ARHGAP29: variants seen among roughly 807,000 people sequenced by gnomAD.
ARHGAP29 encodes the protein rho GTPase-activating protein 29.
Under a neutral mutation model 122.6 loss-of-function variants are expected in ARHGAP29, and 43 were observed. The ratio of observed to expected loss-of-function variants is 0.35; its 90% confidence interval spans 0.27 to 0.45. ARHGAP29 has a LOEUF of 0.45. Ranked by LOEUF, ARHGAP29 falls within the 20% of genes least tolerant of loss-of-function variation. The pLI, the probability that ARHGAP29 is intolerant of heterozygous loss-of-function variation, is 1.00. For missense variants in ARHGAP29, 1,303 were observed against 1,477.2 expected (o/e 0.88, Z 1.93); for synonymous variants, 506 against 497.1 (o/e 1.02, Z -0.24).
chr1:94,179,491 G>A (rs1306187232), intron 20 of ARHGAP29, among the ~76,000 whole-genome samples: 1 of 150,288 alleles, frequency 6.7e-6, no homozygotes, highest in Non-Finnish European at 1.5e-5. Flanking sequence ...CTACTTGGGA[G>A]GCTGAGGCAG....
At chr1:94,205,266 C>A in intron 6 of ARHGAP29, 68 bp from the exon 7 acceptor site, 1 of 1,247,982 alleles carries the variant, frequency 8.0e-7, no homozygotes. Flanking sequence ...AACAAAGAAG[C>A]ACTGAGATCC....
intron 7 of ARHGAP29, 56 bp downstream of exon 7, chr1:94,205,005 G>A: frequency 7.0e-7 from 1 of 1,437,188 alleles, no homozygotes; most frequent in South Asian, 1.6e-5. Flanking sequence ...TAAAAAATGA[G>A]TTAGAAACAA....
intron 1 of ARHGAP29, among the ~76,000 whole-genome samples, chr1:94,263,138 T>C (rs1570620998): frequency 2.6e-5 from 4 of 152,038 alleles, no homozygotes; most frequent in Admixed American, 2.6e-4. Flanking sequence ...CAAAGTAACA[T>C]AGGAACAGAA....
chr1:94,250,625 T>C (rs947015134), intron 1 of ARHGAP29: 1 of 152,148 alleles, frequency 6.6e-6, no homozygotes, highest in African/African-American at 2.4e-5. Flanking sequence ...ATGGGTGTAA[T>C]TGAGAAACAA....
At chr1:94,183,663 C>T (rs778682595) in intron 19 of ARHGAP29, among the ~76,000 whole-genome samples, 3 of 152,164 alleles carry the variant, frequency 2.0e-5, no homozygotes, top group East Asian at 1.9e-4. Flanking sequence ...AAAATATCAA[C>T]GAAGGCAAAG....
intron 5 of ARHGAP29, among the ~76,000 whole-genome samples, chr1:94,208,167 T>C (rs1367331623): frequency 1.3e-5 from 2 of 152,162 alleles, no homozygotes; most frequent in African/African-American, 4.8e-5. Context: ...GTCTCAATCA[T>C]GTTAACCAGG....
chr1:94,228,144 A>C (rs1652724460), intron 2 of ARHGAP29, among the ~76,000 whole-genome samples: 1 of 151,788 alleles, frequency 6.6e-6, no homozygotes, highest in African/African-American at 2.4e-5. Flanking sequence ...ATTAGAGATA[A>C]ACCGTATATG....
Position 94,208,756 on chromosome 1 carries a change from G to A in ARHGAP29, c.510+76C>T, listed in dbSNP as rs1441622029. The A allele has an allele frequency of 2.2e-5, 31 of 1,417,496 alleles. 2 individuals carry two copies. The highest frequency in any genetic ancestry group is 3.6e-4 in the Middle Eastern group (2 of 5,600). The allele number at this position is 1,417,496 out of a possible 1,614,324, so 87.8% of individuals were successfully genotyped here. ...ATTACAGGTATGAGCCACCACCCCCGGCCTAAGATTAGGCAATAGTTGAAA... is the reference window on the plus strand; with the variant it reads ...ATTACAGGTATGAGCCACCACCCCCAGCCTAAGATTAGGCAATAGTTGAAA... On this transcript the variant is annotated intron_variant, in intron 5 of 22. Coordinates refer to ENST00000260526, the MANE Select transcript of ARHGAP29 (RefSeq NM_004815.4).
intron 1 of ARHGAP29, among the ~76,000 whole-genome samples, chr1:94,267,799 T>C (rs759603349): frequency 6.6e-6 from 1 of 152,082 alleles, no homozygotes; most frequent in Non-Finnish European, 1.5e-5. Context: ...GATCACTATA[T>C]AAAATAATCC....
At chr1:94,239,082 A>C (rs1653471333), upstream of ARHGAP29, among the ~76,000 whole-genome samples, 1 of 152,174 alleles carries the variant, frequency 6.6e-6, no homozygotes, top group South Asian at 2.1e-4. Context: ...CCTGCCACAA[A>C]TAGGAAACCT....
the ARHGAP29 span, among the ~76,000 whole-genome samples, chr1:94,287,613 C>G: frequency 6.6e-6 from 1 of 152,036 alleles, no homozygotes; most frequent in Non-Finnish European, 1.5e-5. Flanking sequence ...ATTAACTCGT[C>G]ATTTACATTA....
Position 94,173,864 on chromosome 1 carries a change from C to T in ARHGAP29, c.*5G>A. 4 of 1,573,088 alleles carry T rather than the reference C, an allele frequency of 2.5e-6. No individual in the cohort carries two copies. The highest frequency in any genetic ancestry group is 1.2e-5 in the South Asian group (1 of 86,744). On this transcript the variant is annotated 3_prime_UTR_variant, in exon 23 of 23. Transcript: ENST00000260526. ...ACAACAAAAAAACCCTGAAATTTGACATCCCTACACAAATTGTGGAATTTC... is the reference window on the plus strand; with the variant it reads ...ACAACAAAAAAACCCTGAAATTTGATATCCCTACACAAATTGTGGAATTTC...
intron 12 of ARHGAP29, chr1:94,191,294 A>G (rs906372118): frequency 6.6e-6 from 1 of 152,168 alleles, no homozygotes; most frequent in African/African-American, 2.4e-5. Context: ...ATTTAAGGGT[A>G]GCAATCTGAA....
intron 2 of ARHGAP29, among the ~76,000 whole-genome samples, chr1:94,221,228 C>T (rs1234467483): frequency 6.6e-6 from 1 of 152,250 alleles, no homozygotes; most frequent in South Asian, 2.1e-4. Context: ...ATCTTCATCC[C>T]AAGTAAATCA....
At chr1:94,313,249 C>A in the ARHGAP29 span, among the ~76,000 whole-genome samples, 2 of 152,204 alleles carry the variant, frequency 1.3e-5, no homozygotes, top group Admixed American at 6.5e-5. Flanking sequence ...CCCTAGTTAT[C>A]CATCCACATG....
chr1:94,270,927 A>C (rs1300382510), intron 1 of ARHGAP29, among the ~76,000 whole-genome samples: 8 of 152,212 alleles, frequency 5.3e-5, no homozygotes, highest in Non-Finnish European at 5.9e-5. Context: ...ATTACTTTAA[A>C]ATGTAGGGGG....
chr1:94,268,973 T>C (rs895305414), intron 1 of ARHGAP29, among the ~76,000 whole-genome samples: 9 of 152,200 alleles, frequency 5.9e-5, no homozygotes, highest in African/African-American at 2.2e-4. Flanking sequence ...GGCACATCCA[T>C]ATACATATGT....
Position 94,173,973 on chromosome 1 carries a change from C to T in ARHGAP29, c.3682G>A (p.Glu1228Lys). 1.2e-6 allele frequency: 2 copies of T among 1,614,226 alleles called. No individual in the cohort carries two copies. Among genetic ancestry groups the T allele is most frequent in the Non-Finnish European group, 1.7e-6 (2 of 1,180,038 alleles). Residue 1228 changes from glutamate to lysine, a missense_variant, in exon 23 of 23, where the codon GAG becomes AAG. Physicochemically the swap from Glu to Lys is moderately conservative, Grantham distance 56. Around this residue, in one of 3 missense-constraint regions of ARHGAP29, gnomAD observed 620 missense variants for 651.2 expected, o/e 0.95. Transcript: ENST00000260526. ...TTCACATCAGGCAAGCCAAGCTCCT[C>T]AGAGTCTTCTTTAGGTTGACCAGTT... The part of the protein sequence containing the change: ...QATGQPKEDS[E>K]ELGLPDVNPM...
At position 94,185,322 on chromosome 1, in the gene ARHGAP29, C is replaced by G. The variant is rs141868479; in HGVS notation, c.1920+20G>C. 1.7e-3 allele frequency: 2,618 copies of G among 1,558,208 alleles called. 3 individuals are homozygous for G. The highest frequency in any genetic ancestry group is 2.1e-3 in the Non-Finnish European group (2,396 of 1,156,932). On this transcript the variant is annotated intron_variant, in intron 17 of 22. Coordinates refer to ENST00000260526, the MANE Select transcript of ARHGAP29 (RefSeq NM_004815.4). ...AACAAAAAGCATAAAAGGGTCAACA[C>G]AATTCCACAAAGATCTTACCTCTTC...
Sources: allele counts gnomAD v4.1 joint callset (sites outside exome capture counted in the v4.1 genomes callset), GRCh38; gene constraint gnomAD v4.1.1; regional missense constraint gnomAD v4.1.1; transcripts MANE v1.5; gene names NCBI Gene and HGNC (gene_info 2026-07-23, HGNC 2026-07-21).